Variants in NHSL1 observed in about 807,000 individuals in gnomAD.
NHSL1 encodes the protein NHS like 1.
A neutral mutation model predicts 95.0 loss-of-function variants in NHSL1; 48 were observed. That is an observed-to-expected ratio of 0.51 (90% confidence interval 0.40 to 0.64). The LOEUF is 0.64. Ranked by LOEUF, NHSL1 falls within the 30% of genes least tolerant of loss-of-function variation. The pLI, the probability that NHSL1 is intolerant of heterozygous loss-of-function variation, is 0.00. For missense variants in NHSL1, 1,971 were observed against 2,077.7 expected (o/e 0.95, Z 1.00); for synonymous variants, 783 against 833.9 (o/e 0.94, Z 1.05).
At chr6:138,434,194 C>T (rs34073869) in intron 5 of NHSL1, among the ~76,000 whole-genome samples, 1 of 152,028 alleles carries the variant, frequency 6.6e-6, no homozygotes, top group Non-Finnish European at 1.5e-5. Flanking sequence ...GAAGGAAATT[C>T]TAAGGCAAAG....
intron 1 of NHSL1, among the ~76,000 whole-genome samples, chr6:138,604,931 C>T (rs1053851744): frequency 1.5e-4 from 23 of 152,348 alleles, no homozygotes; most frequent in South Asian, 4.1e-4. Context: ...GCCTGCACTA[C>T]AATTTAGTCA....
intron 3 of NHSL1, among the ~76,000 whole-genome samples, chr6:138,448,649 C>T (rs966890920): frequency 4.6e-5 from 7 of 152,182 alleles, no homozygotes; most frequent in Admixed American, 6.5e-5. Flanking sequence ...TTTCACTTAA[C>T]GTTATGTTTG....
intron 1 of NHSL1, among the ~76,000 whole-genome samples, chr6:138,627,583 A>G (rs1453510333): frequency 6.6e-6 from 1 of 152,204 alleles, no homozygotes; most frequent in African/African-American, 2.4e-5. Context: ...AGTATACCAG[A>G]TATAAGAAAT....
At chr6:138,635,645 T>G (rs976445110) in intron 1 of NHSL1, among the ~76,000 whole-genome samples, 1 of 152,036 alleles carries the variant, frequency 6.6e-6, no homozygotes, top group Non-Finnish European at 1.5e-5. Flanking sequence ...TTCTGAAAAA[T>G]AGAGAATGAG....
chr6:138,513,974 T>C (rs1781345016), intron 1 of NHSL1, among the ~76,000 whole-genome samples: 1 of 151,974 alleles, frequency 6.6e-6, no homozygotes, highest in Admixed American at 6.6e-5. Flanking sequence ...ATTAAATGAA[T>C]GAATTTAATA....
intron 7 of NHSL1, among the ~76,000 whole-genome samples, chr6:138,425,812 C>T (rs1218726006): frequency 6.6e-6 from 1 of 152,162 alleles, no homozygotes; most frequent in Non-Finnish European, 1.5e-5. Context: ...TCTTCCAGGA[C>T]CATGTGCCAA....
chr6:138,519,606 G>A (rs189576307), intron 1 of NHSL1, among the ~76,000 whole-genome samples: 86 of 152,270 alleles, frequency 5.6e-4, no homozygotes, highest in African/African-American at 1.8e-3. Flanking sequence ...AATCAACAGA[G>A]GAGTGGGAAA....
At chr6:138,504,471 C>T (rs999990045), upstream of NHSL1, among the ~76,000 whole-genome samples, 1 of 152,204 alleles carries the variant, frequency 6.6e-6, no homozygotes, top group Non-Finnish European at 1.5e-5. Context: ...ATTTAAAGGA[C>T]CACCTGCTAT....
intron 1 of NHSL1, among the ~76,000 whole-genome samples, chr6:138,565,848 G>C (rs566985616): frequency 4.0e-5 from 6 of 151,310 alleles, no homozygotes; most frequent in Non-Finnish European, 7.4e-5. Context: ...GAGGCTGAGC[G>C]GGGAGGATCC....
At chr6:138,619,871 C>T (rs946921819) in intron 1 of NHSL1, among the ~76,000 whole-genome samples, 1 of 150,406 alleles carries the variant, frequency 6.6e-6, no homozygotes, top group African/African-American at 2.5e-5. Flanking sequence ...TTGCTTGAAC[C>T]CGGGAAGCGG....
At chr6:138,451,868 C>T (rs1777259724) in intron 3 of NHSL1, among the ~76,000 whole-genome samples, 1 of 152,088 alleles carries the variant, frequency 6.6e-6, no homozygotes, top group African/African-American at 2.4e-5. Context: ...AAGAATGAAA[C>T]CTTTTGAAAA....
At chr6:138,461,610 T>C (rs986202186) in intron 3 of NHSL1, among the ~76,000 whole-genome samples, 1 of 152,172 alleles carries the variant, frequency 6.6e-6, no homozygotes, top group Non-Finnish European at 1.5e-5. Context: ...AGGTGACTGG[T>C]AGACTTAACA....
chr6:138,668,121 T>C lies in NHSL1; in HGVS notation c.96+24355A>G, dbSNP rs1164496763. 4.6e-5 allele frequency among the ~76,000 whole-genome samples: 7 copies of C among 152,168 alleles called. No homozygotes were observed. The East Asian group carries it at 1.3e-3, about 29-fold the overall frequency. On this transcript the variant is annotated intron_variant, in intron 1 of 3. Coordinates refer to the NHSL1 transcript ENST00000491526. ...CCCCTCCAGGAACATGGGGACCTGG[T>C]GACTTATCAGACAGAGTGAGAGACC...
chr6:138,431,311 G>A lies in NHSL1; in HGVS notation c.3034C>T (p.Pro1012Ser). Residue 1012 changes from proline to serine, a missense_variant, in exon 6 of 8, where the codon CCA becomes TCA. This residue lies in a region of NHSL1 where 1,602 missense variants were observed against 1,654.5 expected (regional missense o/e 0.97). Coordinates refer to ENST00000343505, the MANE Select transcript of NHSL1 (RefSeq NM_001144060.2). The surrounding 1 kb of genome is among the most constrained non-coding windows in gnomAD (Gnocchi z 4.0). ...GGTTCCGAGGAAGGTAAGAGAGGTG[G>A]GGGCAATGGCAAGGACACAGGTGAA... ...PDSPVSLPLP[P>S]PLLPSSEPPP... The A allele has an allele frequency of 1.3e-6, 2 of 1,508,660 alleles. No homozygotes were observed. The highest frequency in any genetic ancestry group is 2.5e-5 in the East Asian group (1 of 40,532). 93.5% of individuals were successfully genotyped at this position (1,508,660 alleles called of 1,614,324 possible). A position where few individuals can be genotyped will look rare whatever the true frequency, so the allele number is the denominator to read the frequency against.
chr6:138,554,062 C>T (rs955664808), intron 1 of NHSL1, among the ~76,000 whole-genome samples: 5 of 152,154 alleles, frequency 3.3e-5, no homozygotes, highest in Admixed American at 2.6e-4. Context: ...CCCAAATTCC[C>T]TTTCTTAGTA....
chr6:138,510,472 C>A (rs1377041919), intron 1 of NHSL1, among the ~76,000 whole-genome samples: 1 of 152,166 alleles, frequency 6.6e-6, no homozygotes, highest in East Asian at 1.9e-4. Flanking sequence ...CTTTTCAAAA[C>A]ATTTTTTTCA....
chr6:138,590,553 C>T (rs1784209812), intron 1 of NHSL1, among the ~76,000 whole-genome samples: 1 of 152,134 alleles, frequency 6.6e-6, no homozygotes, highest in South Asian at 2.1e-4. Context: ...AAACTGCTAT[C>T]CCGGGGCCTC....
intron 1 of NHSL1, among the ~76,000 whole-genome samples, chr6:138,506,256 G>A (rs1780959308): frequency 6.6e-6 from 1 of 152,162 alleles, no homozygotes; most frequent in African/African-American, 2.4e-5. Flanking sequence ...AACTCTTGAA[G>A]GTAAGAATTA....
chr6:138,652,667 A>G (rs1785107998), intron 1 of NHSL1, among the ~76,000 whole-genome samples: 1 of 152,328 alleles, frequency 6.6e-6, no homozygotes, highest in Middle Eastern at 3.4e-3. Context: ...TGCAAAACAA[A>G]TTAGTTAGAT....
Sources: allele counts gnomAD v4.1 joint callset (sites outside exome capture counted in the v4.1 genomes callset), GRCh38; gene constraint gnomAD v4.1.1; regional missense constraint gnomAD v4.1.1; non-coding constraint Gnocchi (gnomAD v3.1); transcripts MANE v1.5; gene names NCBI Gene and HGNC (gene_info 2026-07-23, HGNC 2026-07-21).